The following GANC variants were observed in gnomAD, a reference collection of about 807,000 sequenced individuals.
GANC encodes glucosidase alpha, neutral C, also known as neutral alpha-glucosidase C.
In GANC, 117 loss-of-function variants were observed where a neutral mutation model predicts 124.2. That is an observed-to-expected ratio of 0.94 (90% CI 0.81 to 1.10). The LOEUF (loss-of-function observed/expected upper bound fraction) is 1.10, where lower values mean the gene tolerates loss of function less well. GANC is among the 50% of genes least tolerant of loss of function. The probability of loss-of-function intolerance (pLI) is 0.00; values close to 1 mark genes in which losing one functional copy is unlikely to be tolerated. For missense variants in GANC, 1,140 were observed against 1,095.0 expected, an observed-to-expected ratio of 1.04 and a Z score of -0.58; for synonymous variants, 377 against 376.8, an observed-to-expected ratio of 1.00 and a Z score of -0.01.
intron 6 of GANC, among the ~76,000 whole-genome samples, chr15:42,306,308 A>G (rs550896746): frequency 1.1e-3 from 163 of 152,324 alleles, no homozygotes; most frequent in Middle Eastern, 6.8e-3. Context: ...TGTTGTGTAT[A>G]TTTTACCACA....
intron 5 of GANC, among the ~76,000 whole-genome samples, chr15:42,297,237 A>G (rs1468200177): frequency 6.6e-6 from 1 of 152,200 alleles, no homozygotes; most frequent in Non-Finnish European, 1.5e-5. Context: ...TTTTTTAAAG[A>G]GTTAACAAAA....
Position 42,310,822 on chromosome 15 carries a change from T to C in GANC, c.1033T>C (p.Phe345Leu). ...GACAGGACCTACACCTTCTGATGTC[T>C]TCAAACAGTACTCACACCTTACAGG... Reference protein sequence around the residue: ...LLTGPTPSDVFKQYSHLTGTQ... With the variant: ...LLTGPTPSDVLKQYSHLTGTQ... Residue 345 changes from phenylalanine (F) to leucine (L), a missense_variant, in exon 10 of 24, where the codon TTC (phenylalanine) becomes CTC (leucine). Physicochemically the swap from Phe to Leu is conservative, Grantham distance 22. Coordinates refer to ENST00000318010, the MANE Select transcript of GANC (RefSeq NM_198141.3). 1 of 1,614,078 alleles carries C rather than the reference T, an allele frequency of 6.2e-7. No homozygotes were observed. Among genetic ancestry groups the C allele is most frequent in the Non-Finnish European group, 8.5e-7 (1 of 1,179,896 alleles).
intron 22 of GANC, among the ~76,000 whole-genome samples, chr15:42,351,115 G>A (rs1238857205): frequency 6.6e-6 from 1 of 151,958 alleles, no homozygotes. Flanking sequence ...CAAGTGATCT[G>A]CCCACCTCGG....
intron 10 of GANC, among the ~76,000 whole-genome samples, chr15:42,320,858 A>G (rs142017573): frequency 1.3e-5 from 2 of 152,282 alleles, no homozygotes; most frequent in East Asian, 1.9e-4. Context: ...TCTTCTGTCA[A>G]TAGCCTCCTC....
intron 15 of GANC, among the ~76,000 whole-genome samples, chr15:42,338,178 T>C (rs1160319312): frequency 2.6e-5 from 4 of 152,242 alleles, no homozygotes; most frequent in Non-Finnish European, 4.4e-5. Context: ...TTCAGAATAT[T>C]TTCCTAGAAT....
Position 42,321,788 on chromosome 15 carries a change from C to G in GANC, c.1061C>G (p.Thr354Arg), listed in dbSNP as rs1422101383. The change falls in exon 11 of 24, where the codon ACA becomes AGA. Residue 354 changes from threonine to arginine, a missense_variant. Thr to Arg is a moderately conservative substitution (Grantham distance 71). Coordinates refer to ENST00000318010, the MANE Select transcript of GANC (RefSeq NM_198141.3). ...VFKQYSHLTG[T>R]QAMPPLFSLG... ...AGTTGTCATCTCCCTCTTTTAGGCA[C>G]ACAAGCCATGCCCCCTCTTTTCTCT... is the stretch of plus-strand genomic sequence containing the variant. The G allele has an allele frequency of 6.2e-7, 1 of 1,614,114 alleles. No individual in the cohort carries two copies. The highest frequency in any genetic ancestry group is 1.7e-5 in the Admixed American group (1 of 60,026).
chr15:42,287,701 T>G lies in GANC; in HGVS notation c.212T>G (p.Leu71Arg). 2 of 1,611,626 alleles carry G rather than the reference T, an allele frequency of 1.2e-6. No homozygotes were observed. The highest frequency in any genetic ancestry group is 1.7e-6 in the Non-Finnish European group (2 of 1,179,056). The change falls in exon 4 of 24, where the codon CTG (leucine) becomes CGG (arginine). Residue 71 changes from leucine to arginine, a missense_variant. Transcript: ENST00000318010. ...IINEASKVPLLAEIYGIEGNI... is the reference protein window; with the variant it reads ...IINEASKVPLRAEIYGIEGNI... ...TGTATCTGTTTCCAGGTTCCTCTCCTGGCTGAAATTTATGGTATAGAAGGA... is the reference window on the plus strand; with the variant it reads ...TGTATCTGTTTCCAGGTTCCTCTCCGGGCTGAAATTTATGGTATAGAAGGA...
intron 18 of GANC, among the ~76,000 whole-genome samples, chr15:42,342,593 G>GAA (rs554964262): frequency 0.088 from 12,566 of 142,904 alleles, 605 homozygotes; most frequent in South Asian, 0.19. Flanking sequence ...TGTCTCTAAG[G>GAA]AAAAAAAAAA....
chr15:42,299,935 C>T (rs757834359), intron 6 of GANC, among the ~76,000 whole-genome samples: 4 of 152,310 alleles, frequency 2.6e-5, no homozygotes, highest in Non-Finnish European at 4.4e-5. Context: ...AACTGGATCC[C>T]TTCCATATGC....
Position 42,310,281 on chromosome 15 carries a change from A to G in GANC, c.723-2A>G, listed in dbSNP as rs371777885. 4.9e-5 allele frequency: 77 copies of G among 1,575,812 alleles called. No homozygotes were observed. The highest frequency in any genetic ancestry group is 6.6e-5 in the Non-Finnish European group (77 of 1,158,464). On this transcript the variant is annotated splice_acceptor_variant, in intron 8 of 23. Coordinates refer to ENST00000318010, the MANE Select transcript of GANC (RefSeq NM_198141.3). LOFTEE classifies it high-confidence loss of function. The stretch of plus-strand genomic sequence containing the variant: ...TAATTGATGATAATCTTTGTGTTTC[A>G]GTGATGGAGATGCTTACCGTCTTTA...
At chr15:42,349,987 A>G (rs1257358766) in intron 22 of GANC, among the ~76,000 whole-genome samples, 1 of 135,822 alleles carries the variant, frequency 7.4e-6, no homozygotes, top group Non-Finnish European at 1.6e-5. Context: ...ACCATAAACA[A>G]TCCTCCCTTA....
chr15:42,344,357 C>T (rs754375524), intron 19 of GANC, among the ~76,000 whole-genome samples: 12 of 152,156 alleles, frequency 7.9e-5, no homozygotes, highest in Non-Finnish European at 8.8e-5. Flanking sequence ...TGGTTTGTAG[C>T]CACGTCACTG....
intron 12 of GANC, 55 bp from the exon 13 acceptor site, chr15:42,327,308 T>A (rs902246833): frequency 1.7e-5 from 23 of 1,328,730 alleles, no homozygotes; most frequent in Non-Finnish European, 2.3e-5. Context: ...TTACAATGCA[T>A]CCTACTGTGA....
In GANC at chr15:42,310,384, A is replaced by G. The variant is rs1429959873; in HGVS notation, c.824A>G (p.Lys275Arg). Residue 275 changes from lysine to arginine, a missense_variant, in exon 9 of 24, where the codon AAA becomes AGA. Transcript: ENST00000318010. Reference protein sequence around the residue: ...YGSVPYLLAHKLGRTIGIFWL... With the variant: ...YGSVPYLLAHRLGRTIGIFWL... ...TCAGTACCTTATCTCCTGGCCCACAAACTGGGCAGAACTATAGGTATTTTC... is the reference window on the plus strand; with the variant it reads ...TCAGTACCTTATCTCCTGGCCCACAGACTGGGCAGAACTATAGGTATTTTC... 2 of 1,613,998 alleles carry G rather than the reference A, an allele frequency of 1.2e-6. No homozygotes were observed. Among genetic ancestry groups the G allele is most frequent in the Non-Finnish European group, 1.7e-6 (2 of 1,179,898 alleles).
intron 3 of GANC, among the ~76,000 whole-genome samples, chr15:42,283,191 G>A (rs1170242195): frequency 1.3e-5 from 2 of 152,218 alleles, no homozygotes; most frequent in Admixed American, 6.5e-5. Flanking sequence ...AGGTCGGAAC[G>A]TCCAGGCTTT....
chr15:42,313,675 C>T (rs534395167), intron 10 of GANC: 1 of 185,610 alleles, frequency 5.4e-6, no homozygotes, highest in Admixed American at 5.7e-5. Context: ...GAGCAGGGAC[C>T]CCAGGCTGTA....
intron 6 of GANC, among the ~76,000 whole-genome samples, chr15:42,305,447 A>G (rs2051985548): frequency 6.6e-6 from 1 of 152,228 alleles, no homozygotes; most frequent in African/African-American, 2.4e-5. Context: ...GTCAGGAAAC[A>G]ACAGATGCTG....
At chr15:42,327,745 T>C (rs1277021146) in intron 13 of GANC, among the ~76,000 whole-genome samples, 9 of 152,216 alleles carry the variant, frequency 5.9e-5, no homozygotes, top group Non-Finnish European at 1.5e-5. Context: ...TTATATAAAA[T>C]TGTGTTCCAT....
At chr15:42,323,761 C>T (rs1004513477) in intron 11 of GANC, among the ~76,000 whole-genome samples, 2 of 152,106 alleles carry the variant, frequency 1.3e-5, no homozygotes, top group Non-Finnish European at 2.9e-5. Context: ...CCTGAGGCTC[C>T]CAAAGTGCTG....
Sources: gnomAD v4.1 joint callset for allele counts (sites outside exome capture counted in the v4.1 genomes callset) on GRCh38, gnomAD v4.1.1 for gene constraint, MANE v1.5 for transcripts, NCBI Gene and HGNC (gene_info 2026-07-23, HGNC 2026-07-21) for gene names.